PAPPA: variants seen among roughly 807,000 people sequenced by gnomAD.
The protein encoded by PAPPA is pappalysin-1.
PAPPA carries 60 observed loss-of-function variants against 164.0 expected under a neutral mutation model. The ratio of observed to expected loss-of-function variants is 0.37; its 90% CI spans 0.30 to 0.45. The LOEUF is 0.45. Ranked by LOEUF, PAPPA falls within the 20% of genes least tolerant of loss-of-function variation. The pLI, the probability that PAPPA is intolerant of heterozygous loss-of-function variation, is 1.00. For missense variants in PAPPA, 1,782 were observed against 2,087.3 expected, an observed-to-expected ratio of 0.85 and a Z score of 2.85; for synonymous variants, 875 against 814.1, an observed-to-expected ratio of 1.07 and a Z score of -1.27.
At chr9:116,169,402 C>G (rs1013356361) in intron 1 of PAPPA, among the ~76,000 whole-genome samples, 1 of 142,268 alleles carries the variant, frequency 7.0e-6, no homozygotes, top group Non-Finnish European at 1.5e-5. Context: ...TTACTGCAAC[C>G]TCCACCTCCC....
At chr9:116,339,225 A>G (rs1846102600) in intron 13 of PAPPA, among the ~76,000 whole-genome samples, 1 of 152,184 alleles carries the variant, frequency 6.6e-6, no homozygotes, top group Admixed American at 6.5e-5. Context: ...GTTCATATTA[A>G]AAAACAGAAT....
intron 1 of PAPPA, among the ~76,000 whole-genome samples, chr9:116,168,139 T>A (rs1587936159): frequency 1.3e-5 from 2 of 152,230 alleles, no homozygotes; most frequent in African/African-American, 4.8e-5. Context: ...ATAACTTTTT[T>A]AAAGAACTTC....
intron 14 of PAPPA, 135 bp downstream of exon 14, chr9:116,344,846 A>G (rs1846187317): frequency 8.7e-6 from 6 of 690,508 alleles, no homozygotes; most frequent in Non-Finnish European, 1.4e-5. Flanking sequence ...ATAAATATTT[A>G]TTGATTAAAT....
At chr9:116,235,886 GC>G (rs776422199) in intron 7 of PAPPA, among the ~76,000 whole-genome samples, 4 of 152,188 alleles carry the variant, frequency 2.6e-5, no homozygotes, top group Non-Finnish European at 4.4e-5. Flanking sequence ...AGCCTCATAA[GC>G]CTTTCTTAAT....
intron 7 of PAPPA, among the ~76,000 whole-genome samples, chr9:116,257,716 G>A (rs1360648564): frequency 6.6e-6 from 1 of 151,874 alleles, no homozygotes; most frequent in South Asian, 2.1e-4. Flanking sequence ...AACAAAAAAA[G>A]TCTGAGGATT....
intron 1 of PAPPA, among the ~76,000 whole-genome samples, chr9:116,185,330 A>C (rs185374181): frequency 2.2e-4 from 33 of 152,268 alleles, no homozygotes; most frequent in Non-Finnish European, 2.6e-4. Context: ...AGAGGTGTAG[A>C]TTGGCATAGA....
intron 9 of PAPPA, among the ~76,000 whole-genome samples, chr9:116,297,383 G>A (rs1348807163): frequency 1.3e-5 from 2 of 152,192 alleles, no homozygotes; most frequent in Non-Finnish European, 2.9e-5. Flanking sequence ...GAGAGTCAAT[G>A]TGAAGGCAAG....
chr9:116,334,973 G>A lies in PAPPA; in HGVS notation c.3510G>A (p.Leu1170=), dbSNP rs1455529516. ...QAVRVSFSSP[L]VAISGVALRS... ...TACGTGTGAGCTTCAGTTCGCCCCT[G>A]GTCGCCATCTCGGGGGTGGCCCTCC... Residue 1170 remains leucine, a synonymous_variant, in exon 13 of 22, where the codon CTG becomes CTA. Transcript: ENST00000328252. The A allele has an allele frequency of 1.2e-6, 2 of 1,613,940 alleles. No individual in the cohort carries two copies. The highest frequency in any genetic ancestry group is 1.7e-5 in the Admixed American group (1 of 60,012).
intron 8 of PAPPA, among the ~76,000 whole-genome samples, chr9:116,267,313 C>T (rs1845079342): frequency 6.6e-6 from 1 of 152,172 alleles, no homozygotes; most frequent in Admixed American, 6.5e-5. Flanking sequence ...AAGGATGATG[C>T]AGTAATGCAA....
chr9:116,273,932 C>T (rs1239084147), intron 9 of PAPPA, among the ~76,000 whole-genome samples: 1 of 152,144 alleles, frequency 6.6e-6, no homozygotes, highest in Non-Finnish European at 1.5e-5. Flanking sequence ...TTTATAAACT[C>T]TTATTCTCGT....
rs1381652798 is a variant in PAPPA, at chr9:116,398,753, C to G, written c.*2137C>G. The G allele has an allele frequency of 4.4e-6, 2 of 450,020 alleles. No individual in the cohort carries two copies. The highest frequency in any genetic ancestry group is 8.9e-6 in the Non-Finnish European group (2 of 223,702). 27.9% of individuals were successfully genotyped at this position (450,020 alleles called of 1,614,324 possible). On this transcript the variant is annotated 3_prime_UTR_variant, in exon 22 of 22. Coordinates refer to ENST00000328252, the MANE Select transcript of PAPPA (RefSeq NM_002581.5). ...GCTGCCACAGTTGTTAAGAATAATC[C>G]TCTATGTTTCTTCCTCACAAAACCA...
intron 14 of PAPPA, 92 bp from the exon 15 acceptor site, chr9:116,346,934 A>G (rs1288486132): frequency 4.8e-6 from 5 of 1,047,272 alleles, no homozygotes; most frequent in Admixed American, 2.6e-5. Flanking sequence ...TGCCTGGGCG[A>G]GACTCTGAGC....
At chr9:116,186,228 G>GTC (rs1843967869) in intron 1 of PAPPA, among the ~76,000 whole-genome samples, 1 of 151,026 alleles carries the variant, frequency 6.6e-6, no homozygotes, top group Admixed American at 6.6e-5. Flanking sequence ...GTGTGTGTGT[G>GTC]TGTGTGTGTA....
At chr9:116,365,340 C>G (rs757331134) in intron 18 of PAPPA, among the ~76,000 whole-genome samples, 4 of 152,116 alleles carry the variant, frequency 2.6e-5, no homozygotes, top group Non-Finnish European at 5.9e-5. Context: ...CCACCCTCCC[C>G]GCGCCTCCCG....
intron 10 of PAPPA, among the ~76,000 whole-genome samples, chr9:116,328,329 C>G (rs1409964795): frequency 6.6e-6 from 1 of 152,144 alleles, no homozygotes; most frequent in Non-Finnish European, 1.5e-5. Flanking sequence ...CTGCCTAAAC[C>G]CGGTCCCAGT....
At chr9:116,185,402 C>A (rs1183714838) in intron 1 of PAPPA, among the ~76,000 whole-genome samples, 1 of 152,190 alleles carries the variant, frequency 6.6e-6, no homozygotes, top group Non-Finnish European at 1.5e-5. Flanking sequence ...CAATTCTAAG[C>A]TCCCACTGCC....
chr9:116,258,435 T>C (rs1844958433), intron 7 of PAPPA, among the ~76,000 whole-genome samples: 1 of 152,012 alleles, frequency 6.6e-6, no homozygotes, highest in Admixed American at 6.5e-5. Context: ...GGCAGGCAGA[T>C]CGCCTGAGGT....
At chr9:116,156,954 C>G (rs1047146443) in intron 1 of PAPPA, among the ~76,000 whole-genome samples, 5 of 152,224 alleles carry the variant, frequency 3.3e-5, no homozygotes, top group Non-Finnish European at 5.9e-5. Context: ...GCCCAGTTTG[C>G]TGCCTGACCT....
chr9:116,178,083 G>T (rs935879438), intron 1 of PAPPA, among the ~76,000 whole-genome samples: 1 of 152,134 alleles, frequency 6.6e-6, no homozygotes, highest in Non-Finnish European at 1.5e-5. Context: ...GAAAAAGAAG[G>T]AAAGATATTA....
Sources: allele counts gnomAD v4.1 joint callset (sites outside exome capture counted in the v4.1 genomes callset), GRCh38; gene constraint gnomAD v4.1.1; transcripts MANE v1.5; gene names NCBI Gene and HGNC (gene_info 2026-07-23, HGNC 2026-07-21).